Variants in TRAPPC3L observed in about 807,000 individuals in gnomAD.
TRAPPC3L encodes trafficking protein particle complex subunit 3-like protein.
A neutral mutation model predicts 23.7 loss-of-function variants in TRAPPC3L; 23 were observed. That is an observed-to-expected ratio of 0.97 (90% CI 0.70 to 1.37). The LOEUF is 1.37. TRAPPC3L is among the 40% of genes most tolerant of loss of function. TRAPPC3L has a pLI of 0.00. For missense variants in TRAPPC3L, 212 were observed against 216.8 expected (o/e 0.98, Z 0.14); for synonymous variants, 81 against 77.9 (o/e 1.04, Z -0.21).
At chr6:116,506,537 T>A (rs1297310351) in intron 3 of TRAPPC3L, among the ~76,000 whole-genome samples, 1 of 152,208 alleles carries the variant, frequency 6.6e-6, no homozygotes, top group Non-Finnish European at 1.5e-5. Flanking sequence ...GGATTATAAA[T>A]CATGCTACTA....
At chr6:116,538,412 G>A (rs1183371193) in intron 3 of TRAPPC3L, among the ~76,000 whole-genome samples, 1 of 152,104 alleles carries the variant, frequency 6.6e-6, no homozygotes. Flanking sequence ...ACTTCCAGTT[G>A]GTTACTGCTC....
intron 3 of TRAPPC3L, among the ~76,000 whole-genome samples, chr6:116,501,124 A>G (rs1008053367): frequency 6.6e-6 from 1 of 152,178 alleles, no homozygotes. Context: ...GAGGAACTGT[A>G]CACTTCTGCC....
intron 3 of TRAPPC3L, among the ~76,000 whole-genome samples, chr6:116,530,902 C>CACATATATATATAT (rs1194839112): frequency 1.3e-5 from 1 of 76,470 alleles, no homozygotes; most frequent in Non-Finnish European, 2.4e-5. Flanking sequence ...AAGTGAGACT[C>CACATATATATATAT]ATATATATAT....
At chr6:116,516,006 G>A (rs754897352) in intron 3 of TRAPPC3L, 1 of 1,567,772 alleles carries the variant, frequency 6.4e-7, no homozygotes, top group Admixed American at 1.8e-5. Context: ...CACCATCAAT[G>A]ACTCATGGTG....
intron 3 of TRAPPC3L, among the ~76,000 whole-genome samples, chr6:116,532,124 T>C (rs1447741458): frequency 1.3e-5 from 2 of 152,182 alleles, no homozygotes; most frequent in African/African-American, 4.8e-5. Flanking sequence ...TGCTTCTGCA[T>C]GTAGTGTTAG....
At chr6:116,515,860 G>A (rs1469569839) in intron 3 of TRAPPC3L, 9 of 1,613,974 alleles carry the variant, frequency 5.6e-6, no homozygotes, top group South Asian at 1.1e-5. Context: ...CTGCTTCAGA[G>A]CTGCATTCTT....
intron 3 of TRAPPC3L, chr6:116,516,691 A>ATC (rs1772233893): frequency 1.4e-5 from 2 of 141,848 alleles, no homozygotes. Flanking sequence ...ATATATATAT[A>ATC]TATATATATA....
At chr6:116,536,546 G>C (rs1277882953) in intron 3 of TRAPPC3L, among the ~76,000 whole-genome samples, 1 of 152,192 alleles carries the variant, frequency 6.6e-6, no homozygotes, top group African/African-American at 2.4e-5. Flanking sequence ...TACTAACTCA[G>C]AGGGAGGGAT....
chr6:116,514,911 A>G (rs1175183841), intron 3 of TRAPPC3L, among the ~76,000 whole-genome samples: 1 of 152,254 alleles, frequency 6.6e-6, no homozygotes, highest in Non-Finnish European at 1.5e-5. Context: ...AAACAGAGTT[A>G]GAGCCAAAAA....
At chr6:116,537,073 G>A (rs1255962243) in intron 3 of TRAPPC3L, among the ~76,000 whole-genome samples, 3 of 152,308 alleles carry the variant, frequency 2.0e-5, no homozygotes, top group East Asian at 1.9e-4. Flanking sequence ...TGTTGGAGAA[G>A]TAAAAATGAT....
At chr6:116,532,289 C>T (rs959695008) in intron 3 of TRAPPC3L, among the ~76,000 whole-genome samples, 6 of 152,044 alleles carry the variant, frequency 3.9e-5, no homozygotes, top group African/African-American at 9.7e-5. Flanking sequence ...TTCTGGAGAA[C>T]GGGGTCTCGC....
chr6:116,498,725 CTT>C (rs1771868751), intron 4 of TRAPPC3L, among the ~76,000 whole-genome samples: 1 of 152,206 alleles, frequency 6.6e-6, no homozygotes. Flanking sequence ...TCCGGTTTAA[CTT>C]AGACTCTTTG....
Position 116,496,731 on chromosome 6 carries a change from T to C in TRAPPC3L, c.*223A>G, listed in dbSNP as rs1182374366. On this transcript the variant is annotated 3_prime_UTR_variant, in exon 5 of 5. Transcript: ENST00000368602. ...TCCTGCCTGCTATCTTGTAAGGAGC[T>C]ATTTGCATATGAAATTTTGTGGACA... 4.0e-6 allele frequency: 2 copies of C among 498,580 alleles called. No individual in the cohort carries two copies. Among genetic ancestry groups the C allele is most frequent in the African/African-American group, 2.1e-5 (1 of 48,660 alleles). The allele number at this position is 498,580 out of a possible 1,614,324, so 30.9% of individuals were successfully genotyped here. A position where few individuals can be genotyped will look rare whatever the true frequency, so the allele number is the denominator to read the frequency against.
chr6:116,535,002 C>T (rs1451015168), intron 3 of TRAPPC3L, among the ~76,000 whole-genome samples: 5 of 152,080 alleles, frequency 3.3e-5, no homozygotes, highest in Non-Finnish European at 7.3e-5. Context: ...ATCATATTGA[C>T]ATGGACCTGA....
At chr6:116,511,106 G>GTATATATA (rs59896067) in intron 3 of TRAPPC3L, among the ~76,000 whole-genome samples, 14 of 140,846 alleles carry the variant, frequency 9.9e-5, no homozygotes, top group South Asian at 2.2e-4. Context: ...ATATATATAT[G>GTATATATA]TATATATATA....
intron 3 of TRAPPC3L, among the ~76,000 whole-genome samples, chr6:116,531,320 T>C (rs1175223022): frequency 6.6e-6 from 1 of 151,434 alleles, no homozygotes; most frequent in Non-Finnish European, 1.5e-5. Flanking sequence ...GAAAAGAGAG[T>C]AAGCAGAAGC....
intron 4 of TRAPPC3L, among the ~76,000 whole-genome samples, chr6:116,499,908 C>T (rs1771887359): frequency 6.6e-6 from 1 of 152,214 alleles, no homozygotes; most frequent in East Asian, 1.9e-4. Context: ...CAGTGCCTGA[C>T]ACTTAGCAGA....
At chr6:116,525,016 G>T (rs1233514033) in intron 3 of TRAPPC3L, among the ~76,000 whole-genome samples, 4 of 152,174 alleles carry the variant, frequency 2.6e-5, no homozygotes, top group South Asian at 4.1e-4. Flanking sequence ...GGCTAAGGTG[G>T]TTATGCCACT....
At chr6:116,505,602 T>C (rs1332056734) in intron 3 of TRAPPC3L, among the ~76,000 whole-genome samples, 4 of 152,186 alleles carry the variant, frequency 2.6e-5, no homozygotes, top group Non-Finnish European at 5.9e-5. Context: ...GGCATCACGC[T>C]ACCTGACTTC....
Sources: gnomAD v4.1 joint callset for allele counts (sites outside exome capture counted in the v4.1 genomes callset) on GRCh38, gnomAD v4.1.1 for gene constraint, MANE v1.5 for transcripts, NCBI Gene and HGNC (gene_info 2026-07-23, HGNC 2026-07-21) for gene names.